MAST4: variants seen among roughly 807,000 people sequenced by gnomAD.
MAST4 encodes the protein microtubule-associated serine/threonine-protein kinase 4.
A neutral mutation model predicts 162.7 loss-of-function variants in MAST4; 89 were observed. The ratio of observed to expected loss-of-function variants is 0.55; its 90% CI spans 0.46 to 0.65. The LOEUF (loss-of-function observed/expected upper bound fraction) is 0.65. MAST4 is among the 30% of genes least tolerant of loss of function. The pLI, the probability that MAST4 is intolerant of heterozygous loss-of-function variation, is 0.00. For synonymous variants in MAST4, 1,479 were observed against 1,361.1 expected (o/e 1.09, Z -1.91); for missense variants, 3,153 against 3,374.0 (o/e 0.93, Z 1.62).
At chr5:66,881,462 G>A (rs945501248) in intron 3 of MAST4, among the ~76,000 whole-genome samples, 5 of 152,216 alleles carry the variant, frequency 3.3e-5, no homozygotes, top group Non-Finnish European at 7.3e-5. Flanking sequence ...ACACAAGAAT[G>A]CAGTTATTTT....
intron 4 of MAST4, among the ~76,000 whole-genome samples, chr5:67,027,760 C>T (rs1219343670): frequency 6.6e-6 from 1 of 152,104 alleles, no homozygotes; most frequent in Non-Finnish European, 1.5e-5. Flanking sequence ...ATGAAATATC[C>T]TTACTTCCTG....
At chr5:66,764,654 GA>G (rs572823191) in intron 2 of MAST4, among the ~76,000 whole-genome samples, 210 of 151,690 alleles carry the variant, frequency 1.4e-3, no homozygotes, top group Non-Finnish European at 2.0e-3. Context: ...GAAAAAAATA[GA>G]AAAAAAAGCT....
At chr5:66,942,594 G>T (rs1185525783) in intron 4 of MAST4, among the ~76,000 whole-genome samples, 1 of 152,154 alleles carries the variant, frequency 6.6e-6, no homozygotes, top group Non-Finnish European at 1.5e-5. Context: ...GAGAATGTGG[G>T]TGAAAGAGAG....
intron 5 of MAST4, among the ~76,000 whole-genome samples, chr5:67,076,773 A>C (rs1236676225): frequency 6.6e-6 from 1 of 152,198 alleles, no homozygotes; most frequent in Non-Finnish European, 1.5e-5. Context: ...TACCTAATGT[A>C]AAACATTTCA....
At chr5:66,775,167 C>T (rs1433030158) in intron 2 of MAST4, among the ~76,000 whole-genome samples, 1 of 152,026 alleles carries the variant, frequency 6.6e-6, no homozygotes, top group Non-Finnish European at 1.5e-5. Context: ...TCAATAGTCA[C>T]AGTGCTCTTT....
At chr5:66,655,839 A>G (rs1746508923) in intron 1 of MAST4, among the ~76,000 whole-genome samples, 1 of 152,220 alleles carries the variant, frequency 6.6e-6, no homozygotes, top group Non-Finnish European at 1.5e-5. Context: ...GGTAGCTAGT[A>G]TCTGTTGTGA....
intron 4 of MAST4, among the ~76,000 whole-genome samples, chr5:66,921,015 C>A (rs958068009): frequency 1.3e-5 from 2 of 152,008 alleles, no homozygotes; most frequent in Admixed American, 1.3e-4. Flanking sequence ...CTGCAGTGGA[C>A]CAAGATGCCC....
At chr5:66,870,158 C>T (rs376881181) in intron 3 of MAST4, among the ~76,000 whole-genome samples, 1 of 152,152 alleles carries the variant, frequency 6.6e-6, no homozygotes, top group African/African-American at 2.4e-5. Flanking sequence ...CACTCTTTTA[C>T]ATAGGTTTAA....
intron 3 of MAST4, among the ~76,000 whole-genome samples, chr5:66,843,711 G>A (rs1341083711): frequency 6.6e-6 from 1 of 152,158 alleles, no homozygotes; most frequent in Admixed American, 6.5e-5. Context: ...TATCAAAAAA[G>A]ACTTTACCAG....
intron 3 of MAST4, among the ~76,000 whole-genome samples, chr5:66,811,955 G>A (rs1199336248): frequency 6.6e-6 from 1 of 152,194 alleles, no homozygotes. Context: ...ACATCTCCAA[G>A]TATTTTACAG....
intron 4 of MAST4, among the ~76,000 whole-genome samples, chr5:66,978,847 A>G (rs2150229153): frequency 6.6e-6 from 1 of 152,290 alleles, no homozygotes; most frequent in South Asian, 2.1e-4. Context: ...TCGGTGTAGG[A>G]CATGTCTGGA....
At chr5:66,625,744 A>G (rs1486525017) in intron 1 of MAST4, among the ~76,000 whole-genome samples, 2 of 152,216 alleles carry the variant, frequency 1.3e-5, no homozygotes, top group African/African-American at 2.4e-5. Context: ...TCCTCAGAAG[A>G]TTAAAAAAGG....
At position 66,619,799 on chromosome 5, in the gene MAST4, TA is replaced by T. The variant is rs1043588471; in HGVS notation, c.363+22789del. Among the ~76,000 whole-genome samples the T allele has an allele frequency of 1.6e-4, 24 of 152,002 alleles. 1 individual carries two copies. Among genetic ancestry groups the T allele is most frequent in the African/African-American group, 5.3e-4 (22 of 41,508 alleles). ...AATAAAATAATTTAGATTTAATTTT[TA>T]AAAAAAATTTATATCAAGGTCACCT... On this transcript the variant is annotated intron_variant, in intron 1 of 28. Transcript: ENST00000403625.
chr5:66,978,940 A>G (rs1748460272), intron 4 of MAST4, among the ~76,000 whole-genome samples: 1 of 152,180 alleles, frequency 6.6e-6, no homozygotes, highest in Admixed American at 6.5e-5. Context: ...ATAGAGTAGA[A>G]GGAAAGTGCA....
intron 1 of MAST4, among the ~76,000 whole-genome samples, chr5:66,694,063 T>C (rs1339599779): frequency 6.6e-6 from 1 of 152,176 alleles, no homozygotes; most frequent in East Asian, 1.9e-4. Context: ...GAAGATTAAG[T>C]TCAAATTCAC....
Position 66,976,404 on chromosome 5 carries a change from A to AGTG in MAST4, c.674+76424_674+76425insGGT, listed in dbSNP as rs1748152231. The stretch of plus-strand genomic sequence containing the variant: ...CTTCCTGTTCTCTAGTTTACTAAAC[A>AGTG]GTCATTTTGCTTCTGTGAGCCAAGC... On this transcript the variant is annotated intron_variant, in intron 4 of 28. Transcript: ENST00000403625. Among the ~76,000 whole-genome samples, 5 of 152,232 alleles carry AGTG rather than the reference A, an allele frequency of 3.3e-5. No individual in the cohort carries two copies. The South Asian group carries it at 1.0e-3, about 32-fold the overall frequency.
At chr5:66,986,577 A>T in intron 4 of MAST4, 18 of 527,758 alleles carry the variant, frequency 3.4e-5, no homozygotes, top group Non-Finnish European at 5.0e-5. Context: ...ACATATATAT[A>T]TTAAAAATAT....
intron 2 of MAST4, among the ~76,000 whole-genome samples, chr5:66,773,135 A>G (rs565020816): frequency 6.6e-6 from 1 of 152,332 alleles, no homozygotes; most frequent in South Asian, 2.1e-4. Flanking sequence ...TGGAAACTGA[A>G]AATGATGCTG....
chr5:66,891,143 C>A (rs1392060445), intron 3 of MAST4, among the ~76,000 whole-genome samples: 1 of 152,154 alleles, frequency 6.6e-6, no homozygotes, highest in Non-Finnish European at 1.5e-5. Context: ...ATCTTTTCAT[C>A]CACTTTCAGA....
Sources: allele counts gnomAD v4.1 joint callset (sites outside exome capture counted in the v4.1 genomes callset), GRCh38; gene constraint gnomAD v4.1.1; transcripts MANE v1.5; gene names NCBI Gene and HGNC (gene_info 2026-07-23, HGNC 2026-07-21).